Variants in VTI1A observed in about 807,000 individuals in gnomAD.
VTI1A encodes the protein vesicle transport through interaction with t-SNAREs 1A, also known as vesicle transport through interaction with t-SNAREs homolog 1A.
In VTI1A, 22 loss-of-function variants were observed where a neutral mutation model predicts 34.9. The observed-to-expected ratio is 0.63, with a 90% CI of 0.45 to 0.90. The LOEUF is 0.90. VTI1A is among the 40% of genes least tolerant of loss of function. The pLI is 0.00. For missense variants in VTI1A, 268 were observed against 275.6 expected (o/e 0.97, Z 0.20); for synonymous variants, 87 against 97.3 (o/e 0.89, Z 0.62).
At chr10:112,727,577 C>G (rs1242124438) in intron 7 of VTI1A, among the ~76,000 whole-genome samples, 1 of 152,116 alleles carries the variant, frequency 6.6e-6, no homozygotes, top group African/African-American at 2.4e-5. Context: ...AGCTGGTCCT[C>G]ACTGTGGAAG....
intron 7 of VTI1A, among the ~76,000 whole-genome samples, chr10:112,701,596 C>T (rs1448579071): frequency 6.6e-6 from 1 of 152,218 alleles, no homozygotes; most frequent in Non-Finnish European, 1.5e-5. Flanking sequence ...GCACGAAATC[C>T]TCAGCCTTCA....
chr10:112,730,533 G>A (rs1437525349), intron 7 of VTI1A, among the ~76,000 whole-genome samples: 3 of 152,020 alleles, frequency 2.0e-5, no homozygotes, highest in East Asian at 1.9e-4. Flanking sequence ...ACAGGTGCCC[G>A]AGTTTCTTTT....
chr10:112,652,078 G>GA (rs528328374), intron 5 of VTI1A, among the ~76,000 whole-genome samples: 1 of 151,532 alleles, frequency 6.6e-6, no homozygotes, highest in Non-Finnish European at 1.5e-5. Context: ...GGTGAAAAAA[G>GA]AAAAAAACAG....
chr10:112,682,655 T>C (rs896321168), intron 7 of VTI1A, among the ~76,000 whole-genome samples: 20 of 152,358 alleles, frequency 1.3e-4, no homozygotes, highest in Middle Eastern at 3.4e-3. Context: ...GGAGCATTTT[T>C]AAACTCTGGG....
chr10:112,494,616 C>A (rs887393682), intron 3 of VTI1A, among the ~76,000 whole-genome samples: 1 of 152,198 alleles, frequency 6.6e-6, no homozygotes, highest in African/African-American at 2.4e-5. Flanking sequence ...TCAAGTGATT[C>A]TCCTGCCTCA....
At chr10:112,830,589 C>T in the VTI1A span, among the ~76,000 whole-genome samples, 2 of 150,884 alleles carry the variant, frequency 1.3e-5, no homozygotes, top group South Asian at 2.1e-4. Context: ...TTTATTCTTT[C>T]GTGTCCATCA....
At chr10:112,810,401 CAA>C (rs55966805) in intron 7 of VTI1A, among the ~76,000 whole-genome samples, 56 of 89,318 alleles carry the variant, frequency 6.3e-4, no homozygotes, top group Admixed American at 1.1e-3. Flanking sequence ...GACTCCATCT[CAA>C]AAAAAAAAAA....
intron 7 of VTI1A, among the ~76,000 whole-genome samples, chr10:112,761,979 AT>A (rs1261986642): frequency 1.3e-5 from 2 of 152,166 alleles, no homozygotes; most frequent in Non-Finnish European, 2.9e-5. Context: ...CCTGGACAGC[AT>A]TATGCTTTCC....
At chr10:112,451,166 C>CT (rs1847223545) in intron 1 of VTI1A, among the ~76,000 whole-genome samples, 1 of 152,216 alleles carries the variant, frequency 6.6e-6, no homozygotes, top group South Asian at 2.1e-4. Context: ...AGTTCTGCTA[C>CT]TTACTAGATG....
chr10:112,621,198 G>A (rs539091760), intron 5 of VTI1A, among the ~76,000 whole-genome samples: 38 of 152,322 alleles, frequency 2.5e-4, no homozygotes, highest in Middle Eastern at 3.4e-3. Context: ...TGCAGAAGGA[G>A]GCGTTCCACC....
intron 7 of VTI1A, among the ~76,000 whole-genome samples, chr10:112,678,649 A>G (rs1181544219): frequency 1.3e-5 from 2 of 152,202 alleles, no homozygotes; most frequent in African/African-American, 2.4e-5. Context: ...GAACGCTCAC[A>G]TTGTAAACTA....
intron 7 of VTI1A, among the ~76,000 whole-genome samples, chr10:112,732,704 TAA>T (rs1850308161): frequency 1.3e-5 from 2 of 152,174 alleles, no homozygotes; most frequent in Non-Finnish European, 2.9e-5. Context: ...TTACAAATGT[TAA>T]TTAATCTTCC....
At chr10:112,524,993 C>T (rs1488149628) in intron 3 of VTI1A, among the ~76,000 whole-genome samples, 1 of 152,174 alleles carries the variant, frequency 6.6e-6, no homozygotes, top group Non-Finnish European at 1.5e-5. Flanking sequence ...ATGAAGTGGA[C>T]TGCCCTGATA....
intron 5 of VTI1A, among the ~76,000 whole-genome samples, chr10:112,652,719 C>G (rs1371052749): frequency 2.0e-5 from 1 of 50,052 alleles, no homozygotes; most frequent in Non-Finnish European, 3.3e-5. Context: ...AGAGTGAGAC[C>G]TTGTCTCAAA....
chr10:112,482,354 G>C (rs1276118879), intron 3 of VTI1A, among the ~76,000 whole-genome samples: 3 of 152,114 alleles, frequency 2.0e-5, no homozygotes, highest in Admixed American at 1.3e-4. Flanking sequence ...ACCCTCAGGT[G>C]GATTCTGAGG....
intron 7 of VTI1A, among the ~76,000 whole-genome samples, chr10:112,790,361 CATATAT>C (rs1374111947): frequency 6.6e-6 from 1 of 152,146 alleles, no homozygotes; most frequent in African/African-American, 2.4e-5. Context: ...CTTCCCAGCA[CATATAT>C]ATACTTTCCC....
intron 7 of VTI1A, among the ~76,000 whole-genome samples, chr10:112,792,557 A>G (rs1009429700): frequency 1.3e-5 from 2 of 152,166 alleles, no homozygotes; most frequent in Non-Finnish European, 2.9e-5. Context: ...GGCACGTTTT[A>G]TGAGCATTGG....
At chr10:112,545,162 A>C (rs1356116918) in intron 5 of VTI1A, among the ~76,000 whole-genome samples, 1 of 152,258 alleles carries the variant, frequency 6.6e-6, no homozygotes, top group African/African-American at 2.4e-5. Flanking sequence ...AGCTGGCTTA[A>C]AAGGCATTTT....
the VTI1A span, among the ~76,000 whole-genome samples, chr10:112,854,588 G>A: frequency 1.3e-5 from 2 of 152,216 alleles, no homozygotes; most frequent in South Asian, 2.1e-4. Context: ...ACTTTCGACC[G>A]TCTCATTTCC....
Sources: allele counts gnomAD v4.1 joint callset (sites outside exome capture counted in the v4.1 genomes callset), GRCh38; gene constraint gnomAD v4.1.1; transcripts MANE v1.5; gene names NCBI Gene and HGNC (gene_info 2026-07-23, HGNC 2026-07-21).